DCC: variants seen among roughly 807,000 people sequenced by gnomAD.
The protein encoded by DCC is netrin receptor DCC.
DCC carries 58 observed loss-of-function variants against 172.5 expected under a neutral mutation model. The ratio of observed to expected loss-of-function variants is 0.34; its 90% confidence interval spans 0.27 to 0.42. The LOEUF (loss-of-function observed/expected upper bound fraction) is 0.42. Ranked by LOEUF, DCC falls within the 10% of genes least tolerant of loss-of-function variation. The pLI is 1.00. For missense variants in DCC, 1,740 were observed against 1,791.0 expected (o/e 0.97, Z 0.51); for synonymous variants, 709 against 644.5 (o/e 1.10, Z -1.52).
At chr18:52,459,330 T>C (rs980385711) in intron 1 of DCC, among the ~76,000 whole-genome samples, 1 of 152,178 alleles carries the variant, frequency 6.6e-6, no homozygotes, top group Non-Finnish European at 1.5e-5. Context: ...AGTTATTTTT[T>C]CTGATCCTCT....
intron 7 of DCC, among the ~76,000 whole-genome samples, chr18:53,156,646 G>A (rs1457158611): frequency 6.6e-6 from 1 of 152,028 alleles, no homozygotes; most frequent in Non-Finnish European, 1.5e-5. Flanking sequence ...CCCCAACCTT[G>A]TAAAATCCTG....
At chr18:53,132,386 C>T (rs1007203248) in intron 7 of DCC, among the ~76,000 whole-genome samples, 4 of 152,052 alleles carry the variant, frequency 2.6e-5, no homozygotes, top group African/African-American at 9.7e-5. Context: ...TGCTCCAGCA[C>T]ACTGCGGAAG....
chr18:52,746,584 G>A (rs1300139549), intron 1 of DCC, among the ~76,000 whole-genome samples: 1 of 152,126 alleles, frequency 6.6e-6, no homozygotes, highest in Admixed American at 6.5e-5. Context: ...CTCTGCGACT[G>A]AATGGTCTTT....
chr18:52,493,712 A>C (rs2030617958), intron 1 of DCC, among the ~76,000 whole-genome samples: 2 of 152,020 alleles, frequency 1.3e-5, no homozygotes, highest in Admixed American at 6.6e-5. Flanking sequence ...GTGACCGATT[A>C]ATTTATGATT....
At chr18:52,885,430 G>T (rs1159195135) in intron 2 of DCC, among the ~76,000 whole-genome samples, 1 of 152,032 alleles carries the variant, frequency 6.6e-6, no homozygotes, top group Non-Finnish European at 1.5e-5. Flanking sequence ...TCTCCCTGTG[G>T]CCACCACTAC....
chr18:52,416,980 C>T (rs1401121415), intron 1 of DCC, among the ~76,000 whole-genome samples: 4 of 152,158 alleles, frequency 2.6e-5, no homozygotes, highest in Non-Finnish European at 4.4e-5. Flanking sequence ...ATGGTCTTTA[C>T]AATTTGGCAT....
intron 2 of DCC, among the ~76,000 whole-genome samples, chr18:52,874,247 A>C (rs2039367493): frequency 6.6e-6 from 1 of 152,224 alleles, no homozygotes; most frequent in Non-Finnish European, 1.5e-5. Context: ...AAATCTTATA[A>C]GCCAATTACT....
intron 25 of DCC, among the ~76,000 whole-genome samples, chr18:53,469,762 A>G (rs2045672744): frequency 6.6e-6 from 1 of 152,074 alleles, no homozygotes; most frequent in African/African-American, 2.4e-5. Context: ...AATTGAAACC[A>G]TATTTACTGA....
chr18:53,047,632 A>G (rs1444817242), intron 5 of DCC, among the ~76,000 whole-genome samples: 2 of 150,640 alleles, frequency 1.3e-5, no homozygotes, highest in Non-Finnish European at 3.0e-5. Context: ...TTACACAGAC[A>G]TATTGCTTTT....
At chr18:52,826,205 C>G (rs2038505683) in intron 2 of DCC, among the ~76,000 whole-genome samples, 1 of 152,138 alleles carries the variant, frequency 6.6e-6, no homozygotes, top group African/African-American at 2.4e-5. Flanking sequence ...TACAATATTC[C>G]CTCCATTCAT....
intron 1 of DCC, among the ~76,000 whole-genome samples, chr18:52,372,191 G>A (rs72916934): frequency 0.092 from 14,058 of 152,244 alleles, 786 homozygotes; most frequent in Middle Eastern, 0.16. Flanking sequence ...CACTAGGGAA[G>A]TTTCTGAATG....
At chr18:53,092,576 A>G (rs1008008546) in intron 7 of DCC, among the ~76,000 whole-genome samples, 1 of 152,214 alleles carries the variant, frequency 6.6e-6, no homozygotes, top group Non-Finnish European at 1.5e-5. Context: ...GACACAGTCA[A>G]GAAGGAAACT....
intron 19 of DCC, among the ~76,000 whole-genome samples, chr18:53,404,585 G>C (rs552878020): frequency 1.1e-4 from 17 of 151,822 alleles, no homozygotes; most frequent in Non-Finnish European, 2.1e-4. Flanking sequence ...CGAAAAATTA[G>C]CCGGGCGTGG....
intron 2 of DCC, among the ~76,000 whole-genome samples, chr18:52,872,099 G>A (rs576671994): frequency 6.6e-6 from 1 of 152,076 alleles, no homozygotes. Flanking sequence ...TTAATAAAAG[G>A]CATACATATT....
At chr18:53,498,906 A>G (rs2046060985) in intron 26 of DCC, among the ~76,000 whole-genome samples, 5 of 152,202 alleles carry the variant, frequency 3.3e-5, no homozygotes, top group Admixed American at 3.3e-4. Context: ...TGGCTGGTAG[A>G]AAATAATGCA....
chr18:52,905,157 G>C (rs2039862944), intron 2 of DCC, among the ~76,000 whole-genome samples: 1 of 151,128 alleles, frequency 6.6e-6, no homozygotes, highest in African/African-American at 2.4e-5. Context: ...GCTTATGCTT[G>C]TATGTAATGG....
At chr18:53,354,581 A>G (rs1253955858) in intron 15 of DCC, among the ~76,000 whole-genome samples, 4 of 152,066 alleles carry the variant, frequency 2.6e-5, no homozygotes, top group African/African-American at 7.2e-5. Context: ...GTGTCTGTTC[A>G]TATCCTTCGC....
intron 12 of DCC, among the ~76,000 whole-genome samples, chr18:53,296,431 T>C (rs1038373553): frequency 3.9e-5 from 6 of 152,178 alleles, no homozygotes; most frequent in Admixed American, 1.3e-4. Context: ...ACCATAATCC[T>C]ACGAGGGAGG....
intron 3 of DCC, among the ~76,000 whole-genome samples, 165 bp downstream of exon 3, chr18:52,906,493 A>G (rs1598916899): frequency 7.0e-6 from 1 of 142,054 alleles, no homozygotes; most frequent in Non-Finnish European, 1.5e-5. Context: ...ATCAGGTTGT[A>G]CCAAAAGCTG....
Sources: gnomAD v4.1 joint callset for allele counts (sites outside exome capture counted in the v4.1 genomes callset) on GRCh38, gnomAD v4.1.1 for gene constraint, MANE v1.5 for transcripts, NCBI Gene and HGNC (gene_info 2026-07-23, HGNC 2026-07-21) for gene names.